The following PARD3 variants were observed in gnomAD, a reference collection of about 807,000 sequenced individuals.
PARD3 encodes partitioning defective 3 homolog.
A neutral mutation model predicts 155.4 loss-of-function variants in PARD3; 75 were observed. The ratio of observed to expected loss-of-function variants is 0.48; its 90% CI spans 0.40 to 0.58. The LOEUF (loss-of-function observed/expected upper bound fraction) is 0.58. PARD3 is among the 20% of genes least tolerant of loss of function. The pLI, the probability that PARD3 is intolerant of heterozygous loss-of-function variation, is 0.00. For synonymous variants in PARD3, 576 were observed against 610.5 expected (o/e 0.94, Z 0.83); for missense variants, 1,642 against 1,721.7 (o/e 0.95, Z 0.82).
chr10:34,457,706 T>C (rs2077409506), intron 4 of PARD3, among the ~76,000 whole-genome samples: 1 of 152,062 alleles, frequency 6.6e-6, no homozygotes, highest in South Asian at 2.1e-4. Flanking sequence ...GCTCAAGCGA[T>C]CCTCCCATCT....
intron 3 of PARD3, among the ~76,000 whole-genome samples, chr10:34,488,000 C>G (rs1054872627): frequency 6.6e-6 from 1 of 152,156 alleles, no homozygotes; most frequent in Non-Finnish European, 1.5e-5. Flanking sequence ...ATTATTCCCC[C>G]ATTTCTTTAT....
At chr10:34,251,451 C>T (rs1243145804) in intron 22 of PARD3, among the ~76,000 whole-genome samples, 1 of 152,102 alleles carries the variant, frequency 6.6e-6, no homozygotes, top group Admixed American at 6.6e-5. Context: ...TCATGTCATG[C>T]TCACAAAAAA....
At chr10:34,583,430 AT>A (rs1438941933) in intron 2 of PARD3, among the ~76,000 whole-genome samples, 1 of 152,080 alleles carries the variant, frequency 6.6e-6, no homozygotes, top group East Asian at 1.9e-4. Flanking sequence ...CTGGGTTTTA[AT>A]TTTTGTCTTT....
chr10:34,622,307 A>G (rs189015062), intron 2 of PARD3, among the ~76,000 whole-genome samples: 1 of 152,344 alleles, frequency 6.6e-6, no homozygotes, highest in East Asian at 1.9e-4. Flanking sequence ...ATAAATATTA[A>G]TTCTGAATTT....
intron 2 of PARD3, among the ~76,000 whole-genome samples, chr10:34,597,296 T>C (rs2089365297): frequency 6.6e-6 from 1 of 151,634 alleles, no homozygotes; most frequent in African/African-American, 2.4e-5. Flanking sequence ...TTTTTGTTTA[T>C]ATTTATATAT....
Position 34,815,015 on chromosome 10 carries a change from G to C in PARD3, c.-20C>G. On this transcript the variant is annotated 5_prime_UTR_variant, in exon 1 of 25. Coordinates refer to ENST00000374788, the MANE Select transcript of PARD3 (RefSeq NM_001184785.2). ...TTTCATGCCGCCGCCGCCGCGGGCG[G>C]GCCCGCGCCCCTCGCCGAGCGCAGC... 1 of 1,418,348 alleles carries C rather than the reference G, an allele frequency of 7.1e-7. No homozygotes were observed. Among genetic ancestry groups the C allele is most frequent in the Non-Finnish European group, 9.3e-7 (1 of 1,080,308 alleles). 87.9% of individuals were successfully genotyped at this position (1,418,348 alleles called of 1,614,324 possible).
At chr10:34,554,145 T>A (rs965534691) in intron 2 of PARD3, among the ~76,000 whole-genome samples, 5 of 152,200 alleles carry the variant, frequency 3.3e-5, no homozygotes, top group African/African-American at 1.2e-4. Flanking sequence ...CACATTAAAA[T>A]CAGGAAGAGA....
intron 22 of PARD3, among the ~76,000 whole-genome samples, chr10:34,135,866 G>A (rs925953698): frequency 2.0e-5 from 3 of 152,200 alleles, no homozygotes; most frequent in Non-Finnish European, 4.4e-5. Context: ...ACACGTATAT[G>A]AATTCAGAAC....
chr10:34,203,218 T>C (rs891393669), intron 22 of PARD3, among the ~76,000 whole-genome samples: 6 of 152,078 alleles, frequency 3.9e-5, no homozygotes, highest in East Asian at 1.9e-4. Context: ...CGCCAATAAA[T>C]AGAAAAGCAA....
chr10:34,495,623 G>C (rs1370251954), intron 3 of PARD3, among the ~76,000 whole-genome samples: 1 of 152,130 alleles, frequency 6.6e-6, no homozygotes, highest in Non-Finnish European at 1.5e-5. Context: ...ACTGATTCCA[G>C]GTATGGGGCA....
intron 2 of PARD3, among the ~76,000 whole-genome samples, chr10:34,540,647 G>T (rs1334269153): frequency 1.3e-5 from 2 of 152,100 alleles, no homozygotes; most frequent in African/African-American, 4.8e-5. Flanking sequence ...AGGCGTGGTG[G>T]CCATTTGCCT....
chr10:34,470,678 T>C (rs1419053679), intron 3 of PARD3, among the ~76,000 whole-genome samples: 4 of 152,190 alleles, frequency 2.6e-5, no homozygotes, highest in Non-Finnish European at 4.4e-5. Flanking sequence ...TAGAGAGTAA[T>C]ATAATAACCA....
intron 2 of PARD3, among the ~76,000 whole-genome samples, chr10:34,522,499 AT>A (rs1564806800): frequency 6.6e-6 from 1 of 152,206 alleles, no homozygotes; most frequent in African/African-American, 2.4e-5. Context: ...CCAGAACACA[AT>A]AAGTATGTTT....
At chr10:34,327,600 A>G (rs1429790220) in intron 19 of PARD3, among the ~76,000 whole-genome samples, 4 of 152,248 alleles carry the variant, frequency 2.6e-5, no homozygotes, top group African/African-American at 9.6e-5. Context: ...GATAGAAATC[A>G]GAGCCTGCAG....
chr10:34,806,731 AT>A (rs1843440901), intron 1 of PARD3, among the ~76,000 whole-genome samples: 1 of 152,162 alleles, frequency 6.6e-6, no homozygotes, highest in South Asian at 2.1e-4. Context: ...GAGGCAAAAT[AT>A]TCTCACAGCA....
intron 5 of PARD3, among the ~76,000 whole-genome samples, chr10:34,435,265 T>C (rs977957465): frequency 6.6e-6 from 1 of 152,194 alleles, no homozygotes; most frequent in African/African-American, 2.4e-5. Flanking sequence ...CACTTCATCA[T>C]CTCAACTTCT....
intron 2 of PARD3, among the ~76,000 whole-genome samples, chr10:34,528,524 A>G (rs1378594671): frequency 6.6e-6 from 1 of 151,756 alleles, no homozygotes; most frequent in African/African-American, 2.4e-5. Flanking sequence ...CTCAGTAGTG[A>G]TAGGTTTTGT....
intron 5 of PARD3, among the ~76,000 whole-genome samples, chr10:34,443,966 A>G (rs1043155461): frequency 1.3e-5 from 2 of 152,180 alleles, no homozygotes; most frequent in Non-Finnish European, 2.9e-5. Context: ...TGACGTAGAC[A>G]TCGGCATTTT....
chr10:34,292,362 A>G lies in PARD3; in HGVS notation c.3066-8117T>C, dbSNP rs1956714179. ...AGTGTCATTTTAAGAAATCGCTACC[A>G]TGAAAGAGTACTGATTTGCTCAGCA... On this transcript the variant is annotated intron_variant, in intron 20 of 24. Coordinates refer to ENST00000374788, the MANE Select transcript of PARD3 (RefSeq NM_001184785.2). 2.0e-5 allele frequency among the ~76,000 whole-genome samples: 3 copies of G among 152,218 alleles called. No homozygotes were observed. The South Asian group carries it at 6.2e-4, about 32-fold the overall frequency.
Sources: allele counts gnomAD v4.1 joint callset (sites outside exome capture counted in the v4.1 genomes callset), GRCh38; gene constraint gnomAD v4.1.1; transcripts MANE v1.5; gene names NCBI Gene and HGNC (gene_info 2026-07-23, HGNC 2026-07-21).